The following RFWD3 variants were observed in gnomAD, a reference collection of about 807,000 sequenced individuals.
RFWD3 encodes the protein ring finger and WD repeat domain 3.
Under a neutral mutation model 87.7 loss-of-function variants are expected in RFWD3, and 65 were observed. The ratio of observed to expected loss-of-function variants is 0.74; its 90% CI spans 0.61 to 0.91. RFWD3 has a LOEUF of 0.91. Ranked by LOEUF, RFWD3 falls within the 40% of genes least tolerant of loss-of-function variation. The pLI is 0.00. For missense variants in RFWD3, 1,078 were observed against 938.5 expected (o/e 1.15, Z -1.94); for synonymous variants, 433 against 352.8 (o/e 1.23, Z -2.55).
intron 2 of RFWD3, 111 bp downstream of exon 2, chr16:74,660,821 G>T: frequency 8.0e-7 from 1 of 1,243,060 alleles, no homozygotes. Flanking sequence ...CTGGGGGTCA[G>T]AAGTTACCTG....
At chr16:74,645,969 C>T (rs1237784074) in intron 4 of RFWD3, among the ~76,000 whole-genome samples, 5 of 150,658 alleles carry the variant, frequency 3.3e-5, no homozygotes, top group South Asian at 2.1e-4. Context: ...AGGATGGTCT[C>T]GATCTCCTGA....
chr16:74,640,908 C>T (rs991084241), intron 6 of RFWD3, among the ~76,000 whole-genome samples: 1 of 152,064 alleles, frequency 6.6e-6, no homozygotes, highest in East Asian at 1.9e-4. Flanking sequence ...CACTGCACTC[C>T]AGCCTGGGCG....
intron 2 of RFWD3, chr16:74,660,626 T>G: frequency 3.8e-6 from 1 of 262,086 alleles, no homozygotes; most frequent in Non-Finnish European, 7.3e-6. Flanking sequence ...ATAATGAATT[T>G]GGGTGAGTAG....
rs541384474 is a variant in RFWD3 at position 74,621,691 on chromosome 16, T to G, written c.*2237A>C. On this transcript the variant is annotated 3_prime_UTR_variant, in exon 13 of 13. Transcript: ENST00000361070. ...GACTGGGAATGGCATCAGGGTTTTT[T>G]TTTGTTTGTTTGTTTTTTTTGAGAT... 3 of 76,614 alleles carry G rather than the reference T, an allele frequency of 3.9e-5. No individual in the cohort carries two copies. The highest frequency in any genetic ancestry group is 7.3e-5 in the Non-Finnish European group (3 of 41,304). 4.7% of individuals were successfully genotyped at this position (76,614 alleles called of 1,614,324 possible). A position where few individuals can be genotyped will look rare whatever the true frequency, so the allele number is the denominator to read the frequency against.
rs1961389668 is a variant in RFWD3 at position 74,661,017 on chromosome 16, T to A, written c.433A>T (p.Ser145Cys). 1.9e-6 allele frequency: 3 copies of A among 1,614,188 alleles called. No individual in the cohort carries two copies. In the East Asian group the frequency reaches 6.7e-5, roughly 36 times the overall value. ...CTTCTTGTTCTCATTGGCCCTACAC[T>A]GTGGTTTGAAGATGAAGGTCTCAGG... is the stretch of plus-strand genomic sequence containing the variant. Reference protein sequence around the residue: ...EFLRPSSSNHSVGPMRTRRRV... With the variant: ...EFLRPSSSNHCVGPMRTRRRV... Residue 145 changes from serine (S) to cysteine (C), a missense_variant, in exon 2 of 13, where the codon AGT becomes TGT. Physicochemically the swap from Ser to Cys is moderately radical, Grantham distance 112. Transcript: ENST00000361070.
chr16:74,649,048 C>T, intron 4 of RFWD3, 84 bp downstream of exon 4: 2 of 871,996 alleles, frequency 2.3e-6, no homozygotes, highest in Non-Finnish European at 3.4e-6. Context: ...CACCACTGCA[C>T]TCTAGCCTGG....
chr16:74,650,226 T>C (rs1287291344), intron 3 of RFWD3, among the ~76,000 whole-genome samples: 1 of 152,232 alleles, frequency 6.6e-6, no homozygotes, highest in African/African-American at 2.4e-5. Flanking sequence ...GTTCCATTTG[T>C]AGACTGTTCT....
At chr16:74,654,379 T>C (rs73612432) in intron 2 of RFWD3, among the ~76,000 whole-genome samples, 152 of 152,306 alleles carry the variant, frequency 1.0e-3, no homozygotes, top group African/African-American at 3.4e-3. Flanking sequence ...TCCTCTGTTA[T>C]TTAGGAGTGT....
chr16:74,626,313 T>C, intron 12 of RFWD3, 30 bp downstream of exon 12: 2 of 1,597,444 alleles, frequency 1.3e-6, no homozygotes, highest in South Asian at 1.1e-5. Flanking sequence ...AACTACTTTT[T>C]ATATGAAAGT....
In RFWD3 at chr16:74,622,918, A is replaced by C. The variant is rs1958810386; in HGVS notation, c.*1010T>G. On this transcript the variant is annotated 3_prime_UTR_variant, in exon 13 of 13. Transcript: ENST00000361070. Reference sequence around the variant, plus strand: ...TTAAGAACAGCCCCTCAGTCTGAGGAATTGGCTTTATTTAGATAGGAACTC... The same window carrying C: ...TTAAGAACAGCCCCTCAGTCTGAGGCATTGGCTTTATTTAGATAGGAACTC... The C allele has an allele frequency of 6.6e-6, 1 of 152,234 alleles. No individual in the cohort carries two copies. Among genetic ancestry groups the C allele is most frequent in the Non-Finnish European group, 1.5e-5 (1 of 68,046 alleles). 9.4% of individuals were successfully genotyped at this position (152,234 alleles called of 1,614,324 possible). A position where few individuals can be genotyped will look rare whatever the true frequency, so the allele number is the denominator to read the frequency against.
In RFWD3 at chr16:74,661,307, C is replaced by G; in HGVS notation, c.143G>C (p.Gly48Ala). 2.5e-6 allele frequency: 4 copies of G among 1,613,928 alleles called. No individual in the cohort carries two copies. In the Admixed American group the frequency reaches 6.7e-5, roughly 27 times the overall value. ...AGCTGGCTGGAGGATGGATGGTACC[C>G]CCTGGCTGCTGACCACATCAGCAGG... Reference protein sequence around the residue: ...PVPADVVSSQGVPSILQPAPA... With the variant: ...PVPADVVSSQAVPSILQPAPA... The change falls in exon 2 of 13, where the codon GGG becomes GCG. Residue 48 changes from glycine (G) to alanine (A), a missense_variant. Transcript: ENST00000361070.
At chr16:74,632,478 A>C in intron 9 of RFWD3, 45 bp downstream of exon 9, 1 of 1,601,980 alleles carries the variant, frequency 6.2e-7, no homozygotes, top group Non-Finnish European at 8.5e-7. Context: ...CATGCTACTC[A>C]ACACCAAAGA....
intron 1 of RFWD3, among the ~76,000 whole-genome samples, chr16:74,662,232 G>A (rs1426424473): frequency 1.3e-5 from 2 of 152,030 alleles, no homozygotes; most frequent in Non-Finnish European, 2.9e-5. Context: ...CATGCATCAG[G>A]ACAACAGGAC....
intron 8 of RFWD3, among the ~76,000 whole-genome samples, chr16:74,635,789 T>A (rs1959191561): frequency 6.6e-6 from 1 of 152,218 alleles, no homozygotes; most frequent in Non-Finnish European, 1.5e-5. Flanking sequence ...ATCTGCAAGA[T>A]TTAGAAATGA....
At chr16:74,666,400 G>C (rs773023748) in intron 1 of RFWD3, 1 of 152,172 alleles carries the variant, frequency 6.6e-6, no homozygotes, top group Admixed American at 6.5e-5. Flanking sequence ...TTAAAGTGAT[G>C]AAGTAATCGG....
At chr16:74,639,520 ACAC>A (rs1220139326) in intron 6 of RFWD3, among the ~76,000 whole-genome samples, 1 of 152,244 alleles carries the variant, frequency 6.6e-6, no homozygotes, top group African/African-American at 2.4e-5. Context: ...CTTGTGAAAG[ACAC>A]AAGAAAACAG....
chr16:74,639,140 G>C (rs932638693), intron 6 of RFWD3, among the ~76,000 whole-genome samples: 1 of 151,016 alleles, frequency 6.6e-6, no homozygotes, highest in Admixed American at 6.6e-5. Flanking sequence ...CCGGGTTCAA[G>C]AGATTTCTTG....
At chr16:74,632,322 G>A (rs1378679265) in intron 9 of RFWD3, among the ~76,000 whole-genome samples, 2 of 151,922 alleles carry the variant, frequency 1.3e-5, no homozygotes, top group African/African-American at 4.8e-5. Context: ...AACCCGGAAG[G>A]TGGAGCTTGC....
chr16:74,640,922 G>A (rs1309000260), intron 6 of RFWD3, among the ~76,000 whole-genome samples: 4 of 152,136 alleles, frequency 2.6e-5, no homozygotes, highest in Admixed American at 6.5e-5. Flanking sequence ...CTGGGCGACA[G>A]AGCGAGACTC....
Sources: allele counts gnomAD v4.1 joint callset (sites outside exome capture counted in the v4.1 genomes callset), GRCh38; gene constraint gnomAD v4.1.1; transcripts MANE v1.5; gene names NCBI Gene and HGNC (gene_info 2026-07-23, HGNC 2026-07-21).